PFKL: variants seen among roughly 807,000 people sequenced by gnomAD.
The protein encoded by PFKL is ATP-dependent 6-phosphofructokinase, liver type.
In PFKL, 74 loss-of-function variants were observed where a neutral mutation model predicts 92.1. The ratio of observed to expected loss-of-function variants is 0.80; its 90% confidence interval spans 0.67 to 0.97. The LOEUF is 0.97. Among genes scored for constraint, PFKL ranks in the 50% least tolerant of loss-of-function variants. The pLI is 0.00. For missense variants in PFKL, 1,028 were observed against 1,116.6 expected, an observed-to-expected ratio of 0.92 and a Z score of 1.13; for synonymous variants, 494 against 456.4, an observed-to-expected ratio of 1.08 and a Z score of -1.05.
At chr21:44,315,779 G>A (rs1179015802) in intron 7 of PFKL, 2 of 208,196 alleles carry the variant, frequency 9.6e-6, no homozygotes, top group Non-Finnish European at 2.0e-5. Flanking sequence ...TGGTGCCAGC[G>A]ATGCGGGGCC....
chr21:44,325,311 C>A, intron 19 of PFKL, 47 bp downstream of exon 19: 1 of 1,290,206 alleles, frequency 7.8e-7, no homozygotes, highest in Non-Finnish European at 1.1e-6. Context: ...CTCTTTCCTG[C>A]CACCATCTGT....
Position 44,313,042 on chromosome 21 carries a change from C to T in PFKL, c.492C>T (p.Ser164=), listed in dbSNP as rs1375492475. 2.5e-6 allele frequency: 4 copies of T among 1,613,098 alleles called. No individual in the cohort carries two copies. Among genetic ancestry groups the T allele is most frequent in the Non-Finnish European group, 3.4e-6 (4 of 1,179,958 alleles). The change falls in exon 5 of 22, where the codon TCC becomes TCT. Residue 164 remains serine (S), a synonymous_variant. Coordinates refer to ENST00000349048, the MANE Select transcript of PFKL (RefSeq NM_002626.6). ...TGAACATCGCGGGCCTAGTGGGCTC[C>T]ATCGATAACGACTTCTGCGGCACCG... is the stretch of plus-strand genomic sequence containing the variant. The part of the protein sequence containing the change: ...SHLNIAGLVG[S]IDNDFCGTDM...
chr21:44,323,138 T>C (rs1437194927), intron 15 of PFKL, 89 bp downstream of exon 15: 60 of 1,147,162 alleles, frequency 5.2e-5, no homozygotes, highest in Non-Finnish European at 7.4e-5. Flanking sequence ...AAAACCCGTG[T>C]GCTGGCTGGG....
rs3788120 is a variant in PFKL, at chr21:44,317,994, C to T, written c.937-476C>T. The stretch of plus-strand genomic sequence containing the variant: ...TTTCTTGTCCACTGTGGCCGGTTCC[C>T]GGGGTGGGGCTGGGGCCTGCCTTTG... On this transcript the variant is annotated intron_variant, in intron 9 of 21. Coordinates refer to ENST00000349048, the MANE Select transcript of PFKL (RefSeq NM_002626.6). Among the ~76,000 whole-genome samples the T allele has an allele frequency of 8.7e-3, 1,330 of 152,340 alleles. 64 individuals are homozygous for T. The East Asian group carries it at 0.13, about 15-fold the overall frequency.
chr21:44,306,100 C>T (rs1201808658), intron 1 of PFKL, among the ~76,000 whole-genome samples: 2 of 152,258 alleles, frequency 1.3e-5, no homozygotes, highest in Non-Finnish European at 2.9e-5. Context: ...GCTTCTCCAT[C>T]CCCACGCCGC....
Position 44,326,006 on chromosome 21 carries a change from G to T in PFKL, c.2035G>T (p.Gly679Trp). 6.2e-7 allele frequency: 1 copy of T among 1,613,936 alleles called. No homozygotes were observed. Among genetic ancestry groups the T allele is most frequent in the East Asian group, 2.2e-5 (1 of 44,882 alleles). Residue 679 changes from glycine (G) to tryptophan (W), a missense_variant, in exon 20 of 22, where the codon GGG becomes TGG. Physicochemically the swap from Gly to Trp is radical, Grantham distance 184. Coordinates refer to ENST00000349048, the MANE Select transcript of PFKL (RefSeq NM_002626.6). ...PFDRNYGTKL[G>W]VKAMLWLSEK... ...TGACCGGAACTATGGGACCAAGCTG[G>T]GGGTGAAGGCCATGCTGTGGTTGTC...
At chr21:44,300,320 G>A (rs1423736143) in intron 1 of PFKL, 130 bp downstream of exon 1, 1 of 239,076 alleles carries the variant, frequency 4.2e-6, no homozygotes, top group Non-Finnish European at 6.7e-6. Flanking sequence ...CCGGCCTCCC[G>A]CCCCGGCCTC....
rs1188357640 is a variant in PFKL at position 44,311,004 on chromosome 21, A to G, written c.160-2A>G. 6.2e-7 allele frequency: 1 copy of G among 1,611,728 alleles called. No individual in the cohort carries two copies. The highest frequency in any genetic ancestry group is 8.5e-7 in the Non-Finnish European group (1 of 1,178,688). ...TCATGCCTGCCCCACTCTTGATTTC[A>G]GGGCTATGAGGGCCTCGTGGAGGGA... On this transcript the variant is annotated splice_acceptor_variant, in intron 2 of 21. Transcript: ENST00000349048. LOFTEE classifies it high-confidence loss of function.
intron 1 of PFKL, among the ~76,000 whole-genome samples, chr21:44,302,522 C>T (rs930864719): frequency 1.3e-5 from 2 of 152,210 alleles, no homozygotes; most frequent in Non-Finnish European, 2.9e-5. Flanking sequence ...TTTTCCTTCT[C>T]GGGGCCCCAC....
intron 1 of PFKL, among the ~76,000 whole-genome samples, chr21:44,301,956 C>T (rs943874911): frequency 4.6e-5 from 7 of 152,140 alleles, no homozygotes; most frequent in African/African-American, 1.7e-4. Flanking sequence ...GCAGGTGGTT[C>T]TTGGGCCAGC....
Position 44,325,195 on chromosome 21 carries a change from C to T in PFKL, c.1920C>T (p.Tyr640=). The change falls in exon 19 of 22, where the codon TAC becomes TAT. Residue 640 remains tyrosine (Y), a synonymous_variant. Transcript: ENST00000349048. ...ACTACTACACCACGGAGTTCCTGTA[C>T]AACCTGTACTCATCAGAGGGCAAGG... ...CHDYYTTEFL[Y]NLYSSEGKGV... The T allele has an allele frequency of 1.2e-6, 2 of 1,613,124 alleles. No homozygotes were observed. The highest frequency in any genetic ancestry group is 1.7e-6 in the Non-Finnish European group (2 of 1,179,684).
intron 1 of PFKL, among the ~76,000 whole-genome samples, chr21:44,301,242 C>T (rs537887370): frequency 3.3e-5 from 5 of 152,334 alleles, no homozygotes; most frequent in East Asian, 3.9e-4. Flanking sequence ...GTCTGAACCC[C>T]GGCCTGCAGA....
At position 44,316,475 on chromosome 21, in the gene PFKL, TG is replaced by T; in HGVS notation, c.890del (p.Gly297AlafsTer16). On this transcript the variant is annotated frameshift_variant, in exon 9 of 22. Transcript: ENST00000349048. LOFTEE classifies it high-confidence loss of function. ...GGCTTCGACACCCGTGTAACTGTGC[TG>T]GGCCACGTGCAGCGGGGAGGGACGC... ...RLGFDTRVTV[L>X]GHVQRGGTPS... The T allele has an allele frequency of 6.2e-7, 1 of 1,609,788 alleles. No individual in the cohort carries two copies. Among genetic ancestry groups the T allele is most frequent in the African/African-American group, 1.3e-5 (1 of 74,980 alleles).
At chr21:44,318,919 G>A (rs550977124) in intron 10 of PFKL, among the ~76,000 whole-genome samples, 108 of 152,294 alleles carry the variant, frequency 7.1e-4, no homozygotes, top group African/African-American at 2.6e-3. Flanking sequence ...AGGAGGAGGG[G>A]CCAGTGATCA....
intron 16 of PFKL, 192 bp from the exon 17 acceptor site, chr21:44,324,299 G>A (rs1172361567): frequency 4.9e-6 from 3 of 617,538 alleles, no homozygotes; most frequent in East Asian, 2.8e-5. Flanking sequence ...GGGTGGGGTC[G>A]CCTGGTTGAG....
intron 7 of PFKL, 199 bp downstream of exon 7, chr21:44,314,220 C>G: frequency 1.7e-6 from 1 of 581,400 alleles, no homozygotes; most frequent in Non-Finnish European, 3.1e-6. Context: ...TGGTCCTGCC[C>G]CCAGTGGGCA....
In PFKL at chr21:44,316,357, G is replaced by A; in HGVS notation, c.843+18G>A. 1.9e-6 allele frequency: 3 copies of A among 1,612,354 alleles called. No individual in the cohort carries two copies. The highest frequency in any genetic ancestry group is 2.2e-5 in the South Asian group (2 of 91,058). ...TGAAGGACGTGCGTGTGGGCCTGGG[G>A]GTGGCCACTGGGCACCTGCTCCTCT... On this transcript the variant is annotated intron_variant, in intron 8 of 21. Coordinates refer to ENST00000349048, the MANE Select transcript of PFKL (RefSeq NM_002626.6).
At chr21:44,325,552 C>T (rs1222481799) in intron 19 of PFKL, 10 of 540,332 alleles carry the variant, frequency 1.9e-5, no homozygotes, top group Non-Finnish European at 3.3e-5. Context: ...CGCCGAACCC[C>T]TCACCTAGAT....
chr21:44,324,492 G>C lies in PFKL; in HGVS notation c.1652G>C (p.Ser551Thr). 2 of 1,613,228 alleles carry C rather than the reference G, an allele frequency of 1.2e-6. No homozygotes were observed. Among genetic ancestry groups the C allele is most frequent in the Non-Finnish European group, 1.7e-6 (2 of 1,179,838 alleles). Residue 551 changes from serine (S) to threonine (T), a missense_variant and splice_region_variant, in exon 17 of 22, where the codon AGC becomes ACC. Physicochemically the swap from Ser to Thr is moderately conservative, Grantham distance 58. Coordinates refer to ENST00000349048, the MANE Select transcript of PFKL (RefSeq NM_002626.6). ...SDTAVNAAME[S>T]CDRIKQSASG... is the part of the protein sequence containing the mutation. ...CCCCGACCCCCCCTTGTCCCCCAGA[G>C]CTGTGACCGCATCAAACAGTCTGCC...
Sources: allele counts gnomAD v4.1 joint callset (sites outside exome capture counted in the v4.1 genomes callset), GRCh38; gene constraint gnomAD v4.1.1; transcripts MANE v1.5; gene names NCBI Gene and HGNC (gene_info 2026-07-23, HGNC 2026-07-21).